The following SRD5A2 variants were observed in gnomAD, a reference collection of about 807,000 sequenced individuals.
The protein encoded by SRD5A2 is steroid 5 alpha-reductase 2.
A neutral mutation model predicts 27.4 loss-of-function variants in SRD5A2; 30 were observed. That is an observed-to-expected ratio of 1.10 (90% CI 0.82 to 1.49). The LOEUF (loss-of-function observed/expected upper bound fraction) is 1.49, where lower values mean the gene tolerates loss of function less well. Ranked by LOEUF, SRD5A2 falls within the 40% of genes most tolerant of loss-of-function variation. The pLI is 0.00. For missense variants in SRD5A2, 348 were observed against 323.4 expected, an observed-to-expected ratio of 1.08 and a Z score of -0.58; for synonymous variants, 141 against 133.6, an observed-to-expected ratio of 1.06 and a Z score of -0.38.
the SRD5A2 span, among the ~76,000 whole-genome samples, chr2:31,607,998 G>A: frequency 1.3e-5 from 2 of 151,860 alleles, no homozygotes; most frequent in African/African-American, 2.4e-5. Flanking sequence ...AGAAAGATAG[G>A]CCCTCACCAG....
chr2:31,550,075 A>G (rs1666354137), intron 1 of SRD5A2, among the ~76,000 whole-genome samples: 1 of 152,142 alleles, frequency 6.6e-6, no homozygotes, highest in African/African-American at 2.4e-5. Flanking sequence ...CAAAACAGAG[A>G]TCAGACATAA....
intron 1 of SRD5A2, among the ~76,000 whole-genome samples, chr2:31,558,706 G>T (rs1666551878): frequency 6.6e-6 from 1 of 152,098 alleles, no homozygotes; most frequent in African/African-American, 2.4e-5. Flanking sequence ...CTAAATATAT[G>T]ATTATAGTCT....
At chr2:31,605,656 T>C in the SRD5A2 span, among the ~76,000 whole-genome samples, 1 of 151,534 alleles carries the variant, frequency 6.6e-6, no homozygotes, top group Non-Finnish European at 1.5e-5. Context: ...CAAATGCTGG[T>C]AAGGATATGG....
At chr2:31,657,507 C>G in the SRD5A2 span, among the ~76,000 whole-genome samples, 1 of 152,184 alleles carries the variant, frequency 6.6e-6, no homozygotes. Flanking sequence ...TCTCCTTCCT[C>G]AGGCTCCCAA....
the SRD5A2 span, among the ~76,000 whole-genome samples, chr2:31,619,856 T>C: frequency 1.3e-4 from 20 of 152,174 alleles, no homozygotes; most frequent in Non-Finnish European, 4.4e-5. Flanking sequence ...GTCAGATGTA[T>C]AGTTTGCAAA....
rs1304355992 is a variant in SRD5A2, at chr2:31,543,485, G to C, written c.282-9719C>G. 2.0e-5 allele frequency among the ~76,000 whole-genome samples: 3 copies of C among 152,200 alleles called. No individual in the cohort carries two copies. The East Asian group carries it at 5.8e-4, about 29-fold the overall frequency. On this transcript the variant is annotated intron_variant, in intron 1 of 4. Coordinates refer to ENST00000622030, the MANE Select transcript of SRD5A2 (RefSeq NM_000348.4). The stretch of plus-strand genomic sequence containing the variant: ...ATACTTTTTAAAAAAACAATTATTA[G>C]TCTAAAAGTTAATATCACTGAAACT...
At chr2:31,656,054 A>G in the SRD5A2 span, among the ~76,000 whole-genome samples, 2 of 152,206 alleles carry the variant, frequency 1.3e-5, no homozygotes, top group Non-Finnish European at 2.9e-5. Context: ...AAGCCTGATT[A>G]TATCAGTTCT....
Position 31,523,223 on chromosome 2 carries a change from T to A in SRD5A2, c.*2973A>T. ...CTCTCTATTCTGTCAAATAGGTTTA[T>A]GAAAGGGCATGAGCCTGGTGCTCCC... is the stretch of plus-strand genomic sequence containing the variant. On this transcript the variant is annotated 3_prime_UTR_variant, in exon 5 of 5. Transcript: ENST00000622030. The A allele has an allele frequency of 4.6e-6, 1 of 215,420 alleles. No individual in the cohort carries two copies. Among genetic ancestry groups the A allele is most frequent in the East Asian group, 6.9e-5 (1 of 14,576 alleles). The allele number at this position is 215,420 out of a possible 1,614,324, so 13.3% of individuals were successfully genotyped here. A position where few individuals can be genotyped will look rare whatever the true frequency, so the allele number is the denominator to read the frequency against.
At chr2:31,559,189 C>T (rs564717867) in intron 1 of SRD5A2, among the ~76,000 whole-genome samples, 1 of 152,314 alleles carries the variant, frequency 6.6e-6, no homozygotes, top group African/African-American at 2.4e-5. Flanking sequence ...GTGTGATCTC[C>T]AGGCTGCAAA....
rs1665743059 is a variant in SRD5A2, at chr2:31,525,011, A to C, written c.*1185T>G. Reference sequence around the variant, plus strand: ...CTAGAATGCTAGAGTTTTATGAAGGAATCTCCTGATTTTTAAGTTTTTGAA... The same window carrying C: ...CTAGAATGCTAGAGTTTTATGAAGGCATCTCCTGATTTTTAAGTTTTTGAA... On this transcript the variant is annotated 3_prime_UTR_variant, in exon 5 of 5. Transcript: ENST00000622030. 7 of 218,458 alleles carry C rather than the reference A, an allele frequency of 3.2e-5. No individual in the cohort carries two copies. In the South Asian group the frequency reaches 9.3e-4, roughly 29 times the overall value. 13.5% of individuals were successfully genotyped at this position (218,458 alleles called of 1,614,324 possible).
chr2:31,627,433 GGT>G, the SRD5A2 span, among the ~76,000 whole-genome samples: 429 of 149,802 alleles, frequency 2.9e-3, 1 homozygote, highest in African/African-American at 9.7e-3. Context: ...TTTGTACGGG[GGT>G]GTGTGTGTGT....
At chr2:31,605,042 T>C in the SRD5A2 span, among the ~76,000 whole-genome samples, 1 of 151,764 alleles carries the variant, frequency 6.6e-6, no homozygotes, top group Middle Eastern at 3.4e-3. Flanking sequence ...GCCAAGAACA[T>C]ACTCCAGGGA....
chr2:31,573,205 C>G (rs1275359893), intron 1 of SRD5A2, among the ~76,000 whole-genome samples: 1 of 152,188 alleles, frequency 6.6e-6, no homozygotes, highest in African/African-American at 2.4e-5. Context: ...GCACTAATAA[C>G]AGGGATTGCC....
upstream of SRD5A2, among the ~76,000 whole-genome samples, chr2:31,581,535 C>G (rs940116412): frequency 6.6e-6 from 1 of 152,188 alleles, no homozygotes; most frequent in Non-Finnish European, 1.5e-5. Context: ...CACACGCCCC[C>G]GGCAGGTACC....
chr2:31,625,960 C>G, the SRD5A2 span, among the ~76,000 whole-genome samples: 2 of 152,160 alleles, frequency 1.3e-5, no homozygotes, highest in Non-Finnish European at 2.9e-5. Context: ...GCACTATGGC[C>G]ATTTTCACCA....
At chr2:31,544,708 A>T (rs760386516) in intron 1 of SRD5A2, among the ~76,000 whole-genome samples, 1 of 151,942 alleles carries the variant, frequency 6.6e-6, no homozygotes, top group Admixed American at 6.5e-5. Context: ...ATTAGAACAA[A>T]GATCAAAGAA....
Position 31,526,127 on chromosome 2 carries a change from TAC to T in SRD5A2, c.*67_*68del, listed in dbSNP as rs1665775336. The T allele has an allele frequency of 4.1e-6, 4 of 964,648 alleles. No homozygotes were observed. The South Asian group carries it at 5.8e-5, about 14-fold the overall frequency. The allele number at this position is 964,648 out of a possible 1,614,324, so 59.8% of individuals were successfully genotyped here. ...TACGGGACTATTATATCATGAAAAT[TAC>T]AGTTTCAGCAGCTTGACAGTTTTCA... On this transcript the variant is annotated 3_prime_UTR_variant, in exon 5 of 5. Coordinates refer to ENST00000622030, the MANE Select transcript of SRD5A2 (RefSeq NM_000348.4).
chr2:31,599,755 C>G, the SRD5A2 span, among the ~76,000 whole-genome samples: 1 of 151,400 alleles, frequency 6.6e-6, no homozygotes, highest in African/African-American at 2.4e-5. Context: ...CAAACCAAAC[C>G]CAAAATTAGT....
the SRD5A2 span, among the ~76,000 whole-genome samples, chr2:31,616,019 T>C: frequency 6.6e-6 from 1 of 151,856 alleles, no homozygotes; most frequent in Non-Finnish European, 1.5e-5. Flanking sequence ...AAGTCAAGAA[T>C]TTAGGTTTGG....
Sources: gnomAD v4.1 joint callset for allele counts (sites outside exome capture counted in the v4.1 genomes callset) on GRCh38, gnomAD v4.1.1 for gene constraint, MANE v1.5 for transcripts, NCBI Gene and HGNC (gene_info 2026-07-23, HGNC 2026-07-21) for gene names.